Variants in NME8 observed in about 807,000 individuals in gnomAD.
NME8 encodes NME/NM23 family member 8.
A neutral mutation model predicts 82.3 loss-of-function variants in NME8; 72 were observed. The observed-to-expected ratio is 0.87, with a 90% CI of 0.72 to 1.06. The LOEUF (loss-of-function observed/expected upper bound fraction) is 1.06, where lower values mean the gene tolerates loss of function less well. Ranked by LOEUF, NME8 falls within the 50% of genes least tolerant of loss-of-function variation. NME8 has a pLI of 0.00. For missense variants in NME8, 712 were observed against 685.4 expected (o/e 1.04, Z -0.43); for synonymous variants, 267 against 228.5 (o/e 1.17, Z -1.52).
intron 13 of NME8, among the ~76,000 whole-genome samples, chr7:37,884,795 G>A (rs1036796815): frequency 2.0e-5 from 3 of 152,228 alleles, no homozygotes; most frequent in African/African-American, 7.2e-5. Context: ...TTCTAGGAAA[G>A]AATGAGTTGC....
At chr7:37,868,578 A>G (rs1247431206) in intron 11 of NME8, among the ~76,000 whole-genome samples, 1 of 152,068 alleles carries the variant, frequency 6.6e-6, no homozygotes, top group East Asian at 1.9e-4. Flanking sequence ...GACTGCCCTG[A>G]AAGTTTATGT....
rs763491394 is a variant in NME8, at chr7:37,864,368, A to T, written c.475A>T (p.Ile159Phe). 1 of 1,592,170 alleles carries T rather than the reference A, an allele frequency of 6.3e-7. No homozygotes were observed. The highest frequency in any genetic ancestry group is 1.1e-5 in the South Asian group (1 of 90,494). Reference protein sequence around the residue: ...ESVQELYSIAIIKPDAVISKK... With the variant: ...ESVQELYSIAFIKPDAVISKK... ...TCCAGAGGAATTATACAGTATTGCT[A>T]TTATCAAACCGGATGCTGTGATTAG... The change falls in exon 9 of 18, where the codon ATT becomes TTT. Residue 159 changes from isoleucine to phenylalanine, a missense_variant. By Grantham distance (21) the Ile-to-Phe change is conservative. Coordinates refer to ENST00000199447, the MANE Select transcript of NME8 (RefSeq NM_016616.5).
In NME8 at chr7:37,885,169, A is replaced by G. The variant is rs780809829; in HGVS notation, c.1164A>G (p.Leu388=). Residue 388 remains leucine, a synonymous_variant, in exon 14 of 18, where the codon TTA becomes TTG. Coordinates refer to ENST00000199447, the MANE Select transcript of NME8 (RefSeq NM_016616.5). Reference sequence around the variant, plus strand: ...GTGGTCCATCTCTAGCCCTTGTTTTATTGAGAGACAATGGCTTGCAATACT... The same window carrying G: ...GTGGTCCATCTCTAGCCCTTGTTTTGTTGAGAGACAATGGCTTGCAATACT... ...MTSGPSLALV[L]LRDNGLQYWK... 4.3e-6 allele frequency: 7 copies of G among 1,612,346 alleles called. No homozygotes were observed. The Admixed American group carries it at 1.2e-4, about 27-fold the overall frequency.
chr7:37,878,177 A>AT (rs1399597122), intron 12 of NME8, among the ~76,000 whole-genome samples: 1 of 152,110 alleles, frequency 6.6e-6, no homozygotes, highest in Admixed American at 6.6e-5. Context: ...TCAGGAAAGG[A>AT]TGTTGTGTTT....
intron 11 of NME8, among the ~76,000 whole-genome samples, chr7:37,876,272 A>G (rs896185216): frequency 6.6e-6 from 1 of 151,576 alleles, no homozygotes; most frequent in Non-Finnish European, 1.5e-5. Flanking sequence ...TAAATTATCT[A>G]TAATATATGA....
At chr7:37,884,723 A>G (rs1048751879) in intron 13 of NME8, among the ~76,000 whole-genome samples, 25 of 152,236 alleles carry the variant, frequency 1.6e-4, no homozygotes, top group Non-Finnish European at 3.4e-4. Context: ...GTACAATACT[A>G]TGAAGTTTAA....
At position 37,884,369 on chromosome 7, in the gene NME8, C is replaced by T. The variant is rs144650767; in HGVS notation, c.1061C>T (p.Ser354Leu). The T allele has an allele frequency of 9.4e-6, 15 of 1,603,542 alleles. No individual in the cohort carries two copies. Among genetic ancestry groups the T allele is most frequent in the South Asian group, 3.3e-5 (3 of 90,854 alleles). ...CTGGAGCAAAGACAAGTAGTATTAT[C>T]GGAAAAAGAAGCACAAGCACTGTGC... Reference protein sequence around the residue: ...KILEQRQVVLSEKEAQALCKE... With the variant: ...KILEQRQVVLLEKEAQALCKE... Residue 354 changes from serine (S) to leucine (L), a missense_variant, in exon 13 of 18, where the codon TCG (serine) becomes TTG (leucine). Ser to Leu is a moderately radical substitution (Grantham distance 145, BLOSUM62 -2). Transcript: ENST00000199447.
chr7:37,848,801 A>T (rs1295686999), intron 1 of NME8, 23 bp from the exon 2 acceptor site: 1 of 152,294 alleles, frequency 6.6e-6, no homozygotes, highest in Non-Finnish European at 1.5e-5. Flanking sequence ...TGGACAAAAC[A>T]TTGCCCCCCT....
At chr7:37,868,706 A>T (rs1218150248) in intron 11 of NME8, among the ~76,000 whole-genome samples, 1 of 152,114 alleles carries the variant, frequency 6.6e-6, no homozygotes, top group African/African-American at 2.4e-5. Flanking sequence ...AATCCCTGCC[A>T]ACTCAGTCTC....
intron 11 of NME8, 136 bp from the exon 12 acceptor site, chr7:37,876,696 A>C (rs561271317): frequency 7.6e-6 from 5 of 662,064 alleles, no homozygotes; most frequent in Non-Finnish European, 1.3e-5. Context: ...AGGGAGATGC[A>C]ATTTATCTTT....
At chr7:37,900,006 T>A (rs1785290088) in intron 17 of NME8, among the ~76,000 whole-genome samples, 1 of 152,236 alleles carries the variant, frequency 6.6e-6, no homozygotes, top group South Asian at 2.1e-4. Context: ...GGTAGAAATC[T>A]TACTCACAAG....
Position 37,885,220 on chromosome 7 carries a change from T to C in NME8, c.1215T>C (p.Thr405=). ...QYWKQLLGPR[T]VEEAIEYFPE... ...GGAAACAATTACTGGGACCAAGAAC[T>C]GTTGAAGAAGCCATTGAATATTTTC... The change falls in exon 14 of 18, where the codon ACT becomes ACC. Residue 405 remains threonine (T), a synonymous_variant. Transcript: ENST00000199447. 1 of 1,613,112 alleles carries C rather than the reference T, an allele frequency of 6.2e-7. No homozygotes were observed. The highest frequency in any genetic ancestry group is 8.5e-7 in the Non-Finnish European group (1 of 1,179,254).
intron 5 of NME8, among the ~76,000 whole-genome samples, chr7:37,853,225 G>A (rs1784460895): frequency 6.6e-6 from 1 of 152,096 alleles, no homozygotes; most frequent in Admixed American, 6.6e-5. Context: ...TTGAATAACA[G>A]TCTTTTATCA....
chr7:37,897,017 T>A lies in NME8; in HGVS notation c.1692T>A (p.Ile564=). The A allele has an allele frequency of 1.2e-6, 2 of 1,613,940 alleles. No homozygotes were observed. Among genetic ancestry groups the A allele is most frequent in the Non-Finnish European group, 1.7e-6 (2 of 1,179,894 alleles). ...TTGGAATAAGTAAATTGAAAAACAT[T>A]GTCCATGGAGCATCTAACGCCTATG... ...AQFGISKLKN[I]VHGASNAYEA... The change falls in exon 17 of 18, where the codon ATT becomes ATA. Residue 564 remains isoleucine (I), a synonymous_variant. Coordinates refer to ENST00000199447, the MANE Select transcript of NME8 (RefSeq NM_016616.5).
At chr7:37,892,901 C>T (rs978354328) in intron 15 of NME8, among the ~76,000 whole-genome samples, 1 of 151,960 alleles carries the variant, frequency 6.6e-6, no homozygotes, top group Non-Finnish European at 1.5e-5. Context: ...TTCTTCCTAC[C>T]TCCCTTCCTC....
intron 17 of NME8, among the ~76,000 whole-genome samples, chr7:37,898,669 T>C (rs1422180588): frequency 6.6e-6 from 1 of 152,096 alleles, no homozygotes; most frequent in African/African-American, 2.4e-5. Flanking sequence ...GAACAAGCAA[T>C]TATAGAGAGA....
Position 37,869,957 on chromosome 7 carries a change from C to A in NME8, c.818+2059C>A, listed in dbSNP as rs117684951. 1.2e-4 allele frequency among the ~76,000 whole-genome samples: 18 copies of A among 152,186 alleles called. 1 individual carries two copies. In the East Asian group the frequency reaches 3.5e-3, roughly 29 times the overall value. On this transcript the variant is annotated intron_variant, in intron 11 of 17. Coordinates refer to ENST00000199447, the MANE Select transcript of NME8 (RefSeq NM_016616.5). The stretch of plus-strand genomic sequence containing the variant: ...TTTATCTGCCTAAGATCCTCAGATC[C>A]GACAGGAACAATTATTTTTCTTCCT...
chr7:37,898,512 G>A (rs1397988721), intron 17 of NME8, among the ~76,000 whole-genome samples: 1 of 152,120 alleles, frequency 6.6e-6, no homozygotes, highest in Non-Finnish European at 1.5e-5. Context: ...GTGGTATAAA[G>A]ATACAACGGA....
At chr7:37,876,202 A>G (rs1321822287) in intron 11 of NME8, among the ~76,000 whole-genome samples, 3 of 147,910 alleles carry the variant, frequency 2.0e-5, no homozygotes, top group Non-Finnish European at 4.4e-5. Flanking sequence ...GCGAGACTCC[A>G]TCTCAAAAAA....
Sources: gnomAD v4.1 joint callset for allele counts (sites outside exome capture counted in the v4.1 genomes callset) on GRCh38, gnomAD v4.1.1 for gene constraint, MANE v1.5 for transcripts, NCBI Gene and HGNC (gene_info 2026-07-23, HGNC 2026-07-21) for gene names.